RRM2: variants seen among roughly 807,000 people sequenced by gnomAD.
RRM2 encodes ribonucleoside-diphosphate reductase subunit M2.
Under a neutral mutation model 45.9 loss-of-function variants are expected in RRM2, and 6 were observed. The ratio of observed to expected loss-of-function variants is 0.13; its 90% CI spans 0.07 to 0.26. RRM2 has a LOEUF of 0.26. Among genes scored for constraint, RRM2 ranks in the 10% least tolerant of loss-of-function variants. The pLI, the probability that RRM2 is intolerant of heterozygous loss-of-function variation, is 1.00. For synonymous variants in RRM2, 177 were observed against 173.0 expected, an observed-to-expected ratio of 1.02 and a Z score of -0.18; for missense variants, 343 against 489.5, an observed-to-expected ratio of 0.70 and a Z score of 2.82.
At chr2:10,148,259 TTA>T (rs1663233496) in intron 3 of RRM2, among the ~76,000 whole-genome samples, 1 of 143,026 alleles carries the variant, frequency 7.0e-6, no homozygotes. Context: ...TGGTTTATAT[TTA>T]TATATGTCCT....
At chr2:10,126,014 C>G (rs1662769458) in intron 5 of RRM2, among the ~76,000 whole-genome samples, 1 of 151,818 alleles carries the variant, frequency 6.6e-6, no homozygotes, top group South Asian at 2.1e-4. Context: ...TGAACGACAG[C>G]TGGGCATGGT....
Position 10,129,469 on chromosome 2 carries a change from C to A in RRM2, c.*83C>A. 7.3e-7 allele frequency: 1 copy of A among 1,371,222 alleles called. No homozygotes were observed. Among genetic ancestry groups the A allele is most frequent in the South Asian group, 1.4e-5 (1 of 73,758 alleles). The allele number at this position is 1,371,222 out of a possible 1,614,324, so 84.9% of individuals were successfully genotyped here. ...ATCAGCTGAAGTGTTACCAACTAGC[C>A]ACACCATGAATTGTCCGTAATGTTC... On this transcript the variant is annotated 3_prime_UTR_variant, in exon 10 of 10. Coordinates refer to ENST00000304567, the MANE Select transcript of RRM2 (RefSeq NM_001034.4). The surrounding 1 kb of genome is among the most constrained non-coding windows in gnomAD (Gnocchi z 4.8).
chr2:10,154,061 A>G (rs919145834), intron 3 of RRM2, among the ~76,000 whole-genome samples: 1 of 152,258 alleles, frequency 6.6e-6, no homozygotes. Flanking sequence ...TACCACAATT[A>G]AAGAGTATTT....
chr2:10,176,511 G>T (rs370877488), intron 3 of RRM2, among the ~76,000 whole-genome samples: 3 of 152,102 alleles, frequency 2.0e-5, no homozygotes, highest in African/African-American at 7.2e-5. Flanking sequence ...CAGGTGATCT[G>T]CCCGCCTCGG....
At chr2:10,142,256 G>A (rs1663098629) in exon 3 of RRM2, 1 of 1,474,046 alleles carries the variant, frequency 6.8e-7, no homozygotes, top group Non-Finnish European at 9.2e-7. Flanking sequence ...ATTTCTAAGG[G>A]GATGAGAAGC....
intron 3 of RRM2, among the ~76,000 whole-genome samples, chr2:10,197,358 C>T (rs1010976158): frequency 2.0e-5 from 3 of 152,214 alleles, no homozygotes; most frequent in Non-Finnish European, 4.4e-5. Flanking sequence ...CTCTTCGTTT[C>T]GTCATGTTCC....
Position 10,129,404 on chromosome 2 carries a change from C to G in RRM2, c.*18C>G. On this transcript the variant is annotated 3_prime_UTR_variant, in exon 10 of 10. Coordinates refer to ENST00000304567, the MANE Select transcript of RRM2 (RefSeq NM_001034.4). The surrounding 1 kb of genome is among the most constrained non-coding windows in gnomAD (Gnocchi z 4.8). Reference sequence around the variant, plus strand: ...ACTTCTAAATGAACTGAAGATGTGCCCTTACTTGGCTGATTTTTTTTTTCC... The same window carrying G: ...ACTTCTAAATGAACTGAAGATGTGCGCTTACTTGGCTGATTTTTTTTTTCC... 6.3e-7 allele frequency: 1 copy of G among 1,578,104 alleles called. No homozygotes were observed. Among genetic ancestry groups the G allele is most frequent in the Non-Finnish European group, 8.6e-7 (1 of 1,167,550 alleles).
At position 10,124,566 on chromosome 2, in the gene RRM2, A is replaced by G. The variant is rs550435577; in HGVS notation, c.436-151A>G. On this transcript the variant is annotated intron_variant, in intron 4 of 9. Coordinates refer to ENST00000304567, the MANE Select transcript of RRM2 (RefSeq NM_001034.4). Reference sequence around the variant, plus strand: ...CTGATATGTAAGTTGAGCATATGACATAAAATATCAAAGAATTGTGACAAA... The same window carrying G: ...CTGATATGTAAGTTGAGCATATGACGTAAAATATCAAAGAATTGTGACAAA... 1.7e-5 allele frequency: 14 copies of G among 834,450 alleles called. No individual in the cohort carries two copies. The South Asian group carries it at 2.4e-4, about 14-fold the overall frequency. The allele number at this position is 834,450 out of a possible 1,614,324, so 51.7% of individuals were successfully genotyped here.
At chr2:10,154,068 A>G (rs1663372331) in intron 3 of RRM2, among the ~76,000 whole-genome samples, 3 of 152,232 alleles carry the variant, frequency 2.0e-5, no homozygotes, top group Non-Finnish European at 4.4e-5. Context: ...ATTAAAGAGT[A>G]TTTTTAAAAA....
At chr2:10,184,338 C>G (rs1412324997) in intron 3 of RRM2, among the ~76,000 whole-genome samples, 1 of 152,192 alleles carries the variant, frequency 6.6e-6, no homozygotes, top group Non-Finnish European at 1.5e-5. Context: ...ACAAAACTTC[C>G]TTCCCTTCCG....
intron 3 of RRM2, among the ~76,000 whole-genome samples, chr2:10,206,096 A>G (rs139562780): frequency 0.065 from 9,933 of 152,042 alleles, 378 homozygotes; most frequent in Middle Eastern, 0.099. Flanking sequence ...AATACAAAAA[A>G]TTAGCCAGGC....
chr2:10,123,291 G>C, intron 2 of RRM2, 96 bp from the exon 3 acceptor site: 8 of 1,454,402 alleles, frequency 5.5e-6, no homozygotes, highest in Non-Finnish European at 7.3e-6. Flanking sequence ...ATCGGGCCCC[G>C]TGAAATTGCC....
At chr2:10,173,887 G>A (rs548023431) in intron 3 of RRM2, among the ~76,000 whole-genome samples, 1 of 152,210 alleles carries the variant, frequency 6.6e-6, no homozygotes, top group Non-Finnish European at 1.5e-5. Flanking sequence ...GCCGAGTGGC[G>A]ATTGGGCTGG....
chr2:10,149,557 G>A (rs893586260), intron 3 of RRM2, among the ~76,000 whole-genome samples: 6 of 152,140 alleles, frequency 3.9e-5, no homozygotes, highest in South Asian at 2.1e-4. Context: ...TCCTTTTCTC[G>A]TTTTTATTTT....
chr2:10,164,514 C>T (rs898028485), intron 3 of RRM2, among the ~76,000 whole-genome samples: 3 of 152,198 alleles, frequency 2.0e-5, no homozygotes, highest in Non-Finnish European at 4.4e-5. Flanking sequence ...TTCAGGAGCA[C>T]ACAGGGCTCG....
chr2:10,159,598 AAAAG>A (rs947658178), intron 3 of RRM2, among the ~76,000 whole-genome samples: 47 of 152,364 alleles, frequency 3.1e-4, no homozygotes, highest in Middle Eastern at 3.4e-3. Context: ...GTGCAGCAAG[AAAAG>A]AAAGACTCCA....
chr2:10,145,462 A>T (rs541844835), intron 3 of RRM2: 1 of 152,328 alleles, frequency 6.6e-6, no homozygotes, highest in Non-Finnish European at 1.5e-5. Flanking sequence ...CATTTGTTCT[A>T]TGAACAATGC....
intron 3 of RRM2, among the ~76,000 whole-genome samples, chr2:10,192,939 T>G (rs1664342326): frequency 6.6e-6 from 1 of 152,194 alleles, no homozygotes; most frequent in Non-Finnish European, 1.5e-5. Flanking sequence ...GCATGTCCCT[T>G]CTGCGCTGCA....
upstream of RRM2, among the ~76,000 whole-genome samples, chr2:10,139,589 G>T (rs1476144311): frequency 2.0e-5 from 3 of 152,316 alleles, no homozygotes; most frequent in Non-Finnish European, 2.9e-5. Context: ...TGGATTTGGG[G>T]TCTGTTCTTT....
Sources: allele counts gnomAD v4.1 joint callset (sites outside exome capture counted in the v4.1 genomes callset), GRCh38; gene constraint gnomAD v4.1.1; non-coding constraint Gnocchi (gnomAD v3.1); transcripts MANE v1.5; gene names NCBI Gene and HGNC (gene_info 2026-07-23, HGNC 2026-07-21).